The following PPP1R9A variants were observed in gnomAD, a reference collection of about 807,000 sequenced individuals.
PPP1R9A encodes the protein neurabin-1.
Under a neutral mutation model 141.9 loss-of-function variants are expected in PPP1R9A, and 59 were observed. The ratio of observed to expected loss-of-function variants is 0.42; its 90% confidence interval spans 0.34 to 0.52. The LOEUF (loss-of-function observed/expected upper bound fraction) is 0.52. Among genes scored for constraint, PPP1R9A ranks in the 20% least tolerant of loss-of-function variants. The pLI is 0.10. For synonymous variants in PPP1R9A, 500 were observed against 569.7 expected, an observed-to-expected ratio of 0.88 and a Z score of 1.74; for missense variants, 1,444 against 1,611.9, an observed-to-expected ratio of 0.90 and a Z score of 1.78.
Position 95,255,815 on chromosome 7 carries a change from G to A in PPP1R9A, c.2665+3685G>A, listed in dbSNP as rs143328274. 7.8e-4 allele frequency among the ~76,000 whole-genome samples: 118 copies of A among 152,230 alleles called. 1 individual carries two copies. Among genetic ancestry groups the A allele is most frequent in the African/African-American group, 2.7e-3 (113 of 41,552 alleles). On this transcript the variant is annotated intron_variant, in intron 12 of 19. Transcript: ENST00000433360. ...AGAGCCATTTGAAATGACATAGTGTGTTCTTGGAGTAGAAGTGGGCTTTGA... is the reference window on the plus strand; with the variant it reads ...AGAGCCATTTGAAATGACATAGTGTATTCTTGGAGTAGAAGTGGGCTTTGA...
intron 2 of PPP1R9A, among the ~76,000 whole-genome samples, chr7:94,994,849 G>A (rs993003315): frequency 5.3e-5 from 8 of 150,508 alleles, no homozygotes; most frequent in Non-Finnish European, 8.8e-5. Flanking sequence ...TTGACATCGC[G>A]CCACCACACT....
intron 2 of PPP1R9A, among the ~76,000 whole-genome samples, chr7:94,985,648 C>T (rs1227346415): frequency 6.6e-6 from 1 of 151,982 alleles, no homozygotes; most frequent in Non-Finnish European, 1.5e-5. Flanking sequence ...ATTGCAACTC[C>T]TGCTTTTATT....
chr7:94,908,330 G>A (rs1009849745), intron 1 of PPP1R9A: 1 of 152,092 alleles, frequency 6.6e-6, no homozygotes, highest in African/African-American at 2.4e-5. Context: ...AAAACAAAGG[G>A]ATTTATTTTC....
chr7:95,234,339 C>G (rs983778485), intron 8 of PPP1R9A, among the ~76,000 whole-genome samples: 1 of 152,136 alleles, frequency 6.6e-6, no homozygotes, highest in African/African-American at 2.4e-5. Context: ...TTTCAGGATA[C>G]AAAATTAATG....
chr7:95,186,602 A>G (rs924472815), intron 5 of PPP1R9A, among the ~76,000 whole-genome samples: 1 of 152,060 alleles, frequency 6.6e-6, no homozygotes, highest in African/African-American at 2.4e-5. Context: ...TCTAGTTCTC[A>G]GGAGGAATGC....
chr7:95,210,520 C>T (rs1051897501), intron 7 of PPP1R9A, among the ~76,000 whole-genome samples: 1 of 151,466 alleles, frequency 6.6e-6, no homozygotes, highest in Non-Finnish European at 1.5e-5. Flanking sequence ...GGCTGGAGTG[C>T]AGTGGCATGA....
intron 7 of PPP1R9A, among the ~76,000 whole-genome samples, chr7:95,222,030 T>A (rs1794533794): frequency 6.6e-6 from 1 of 152,098 alleles, no homozygotes; most frequent in South Asian, 2.1e-4. Flanking sequence ...AACCCACAAG[T>A]ACTGCTCCCG....
chr7:95,288,605 C>A lies in PPP1R9A; in HGVS notation c.3799C>A (p.Gln1267Lys). 1 of 1,614,072 alleles carries A rather than the reference C, an allele frequency of 6.2e-7. No homozygotes were observed. Among genetic ancestry groups the A allele is most frequent in the Non-Finnish European group, 8.5e-7 (1 of 1,180,004 alleles). Reference protein sequence around the residue: ...QNRAVQEWSVQQVSHWLMSLN... With the variant: ...QNRAVQEWSVKQVSHWLMSLN... ...TCGGGCCGTTCAGGAATGGAGTGTGCAGCAGGTTTCTCACTGGTTAATGAG... is the reference window on the plus strand; with the variant it reads ...TCGGGCCGTTCAGGAATGGAGTGTGAAGCAGGTTTCTCACTGGTTAATGAG... Residue 1267 changes from glutamine (Q) to lysine (K), a missense_variant, in exon 19 of 20, where the codon CAG becomes AAG. Gln to Lys is a moderately conservative substitution (Grantham distance 53, BLOSUM62 1). Coordinates refer to ENST00000433360, the MANE Select transcript of PPP1R9A (RefSeq NM_001166160.2).
intron 2 of PPP1R9A, among the ~76,000 whole-genome samples, chr7:94,932,811 C>T (rs992311028): frequency 1.5e-5 from 2 of 135,972 alleles, no homozygotes; most frequent in African/African-American, 5.5e-5. Flanking sequence ...AGGGTTTGAA[C>T]CCATCTTCAT....
intron 2 of PPP1R9A, among the ~76,000 whole-genome samples, chr7:95,095,713 A>AT (rs1817927254): frequency 2.0e-5 from 3 of 152,240 alleles, no homozygotes; most frequent in South Asian, 4.1e-4. Context: ...TAACATGATT[A>AT]TTTTTTAACA....
chr7:95,055,081 C>T (rs1584464503), intron 2 of PPP1R9A, among the ~76,000 whole-genome samples: 1 of 152,034 alleles, frequency 6.6e-6, no homozygotes, highest in East Asian at 1.9e-4. Flanking sequence ...ACTGACTGTC[C>T]TTCCCTCCTT....
intron 7 of PPP1R9A, among the ~76,000 whole-genome samples, chr7:95,219,899 A>G (rs1163547822): frequency 6.6e-6 from 1 of 152,006 alleles, no homozygotes; most frequent in East Asian, 1.9e-4. Context: ...TTTTTGTTGC[A>G]TTAGTTTATG....
At chr7:94,912,350 G>C (rs1791551529) in intron 2 of PPP1R9A, among the ~76,000 whole-genome samples, 2 of 152,168 alleles carry the variant, frequency 1.3e-5, no homozygotes, top group African/African-American at 2.4e-5. Context: ...GGAGGTGGTT[G>C]GTTGAGTACC....
intron 2 of PPP1R9A, among the ~76,000 whole-genome samples, chr7:95,041,253 T>C (rs779583574): frequency 1.2e-4 from 18 of 152,158 alleles, no homozygotes; most frequent in Non-Finnish European, 2.5e-4. Context: ...GCTGATTTCT[T>C]CTCCAAGGTT....
chr7:95,199,879 C>T (rs1309531468), intron 6 of PPP1R9A, among the ~76,000 whole-genome samples: 3 of 152,090 alleles, frequency 2.0e-5, no homozygotes, highest in East Asian at 3.9e-4. Flanking sequence ...GCTTTTGCTG[C>T]AAGCTTATTC....
rs181339419 is a variant in PPP1R9A at position 94,931,573 on chromosome 7, T to C, written c.1395+20065T>C. On this transcript the variant is annotated intron_variant, in intron 2 of 19. Transcript: ENST00000433360. Reference sequence around the variant, plus strand: ...TTCTGCATGAATTAGACTGACTGGATTCTTTCTTATTTTTATTTTTTTGAG... The same window carrying C: ...TTCTGCATGAATTAGACTGACTGGACTCTTTCTTATTTTTATTTTTTTGAG... Among the ~76,000 whole-genome samples, 166 of 152,136 alleles carry C rather than the reference T, an allele frequency of 1.1e-3. 2 individuals carry two copies. The highest frequency in any genetic ancestry group is 4.3e-4 in the Non-Finnish European group (29 of 67,962).
At chr7:95,000,683 A>G (rs1229929883) in intron 2 of PPP1R9A, among the ~76,000 whole-genome samples, 2 of 152,032 alleles carry the variant, frequency 1.3e-5, no homozygotes, top group East Asian at 1.9e-4. Context: ...TTCTCCCTCA[A>G]CTTCTTTGTA....
intron 2 of PPP1R9A, among the ~76,000 whole-genome samples, chr7:94,970,169 A>G (rs181905057): frequency 6.6e-6 from 1 of 152,120 alleles, no homozygotes; most frequent in Non-Finnish European, 1.5e-5. Context: ...TCTGTCTCAC[A>G]GGCATTCCAG....
At chr7:95,281,332 G>A (rs1804189400) in intron 16 of PPP1R9A, among the ~76,000 whole-genome samples, 1 of 152,096 alleles carries the variant, frequency 6.6e-6, no homozygotes. Flanking sequence ...GTGTCTTCTC[G>A]GAAGTGGCCT....
Sources: allele counts gnomAD v4.1 joint callset (sites outside exome capture counted in the v4.1 genomes callset), GRCh38; gene constraint gnomAD v4.1.1; transcripts MANE v1.5; gene names NCBI Gene and HGNC (gene_info 2026-07-23, HGNC 2026-07-21).